The following DBT variants were observed in gnomAD, a reference collection of about 807,000 sequenced individuals.
DBT encodes the protein lipoamide acyltransferase component of branched-chain alpha-keto acid dehydrogenase complex, mitochondrial.
In DBT, 40 loss-of-function variants were observed where a neutral mutation model predicts 51.3. The ratio of observed to expected loss-of-function variants is 0.78; its 90% CI spans 0.61 to 1.02. The LOEUF is 1.02. Ranked by LOEUF, DBT falls within the 50% of genes least tolerant of loss-of-function variation. The pLI, the probability that DBT is intolerant of heterozygous loss-of-function variation, is 0.00. For synonymous variants in DBT, 181 were observed against 190.4 expected (o/e 0.95, Z 0.41); for missense variants, 510 against 580.2 (o/e 0.88, Z 1.24).
intron 10 of DBT, among the ~76,000 whole-genome samples, chr1:100,197,966 A>T (rs1557940178): frequency 1.3e-5 from 2 of 152,198 alleles, no homozygotes; most frequent in Non-Finnish European, 2.9e-5. Context: ...TAAGATTTCT[A>T]CTCTAAGAAC....
chr1:100,240,940 C>T, intron 1 of DBT, 56 bp from the exon 2 acceptor site: 4 of 1,528,060 alleles, frequency 2.6e-6, no homozygotes, highest in Non-Finnish European at 3.6e-6. Flanking sequence ...ACCGGCTTAT[C>T]TCTAAGTATA....
At chr1:100,213,434 C>G (rs1467092955) in intron 7 of DBT, 6 of 1,573,802 alleles carry the variant, frequency 3.8e-6, no homozygotes, top group Non-Finnish European at 5.2e-6. Flanking sequence ...CCTCGTCACA[C>G]GGACACCCAC....
At position 100,206,509 on chromosome 1, in the gene DBT, G is replaced by A. The variant is rs750814408; in HGVS notation, c.1145C>T (p.Ser382Phe). 6.2e-7 allele frequency: 1 copy of A among 1,613,724 alleles called. No homozygotes were observed. Among genetic ancestry groups the A allele is most frequent in the Non-Finnish European group, 8.5e-7 (1 of 1,179,670 alleles). Residue 382 changes from serine to phenylalanine, a missense_variant, in exon 9 of 11, where the codon TCT (serine) becomes TTT (phenylalanine). By Grantham distance (155) the Ser-to-Phe change is radical. Coordinates refer to ENST00000370132, the MANE Select transcript of DBT (RefSeq NM_001918.5). ...ATCAGTGGTGCTGAGCTGACTCACA[G>A]AGCCCAATTTCTGGAGGCGGTTCAG... ...TELNRLQKLG[S>F]VSQLSTTDLT...
chr1:100,240,671 G>T lies in DBT; in HGVS notation c.175+90C>A. ...AGAAATACAGAGTCAACTTTTTTTTGTTTAAAAAGTCTCAATCAACTACTA... is the reference window on the plus strand; with the variant it reads ...AGAAATACAGAGTCAACTTTTTTTTTTTTAAAAAGTCTCAATCAACTACTA... On this transcript the variant is annotated intron_variant, in intron 2 of 10. Transcript: ENST00000370132. 5.5e-6 allele frequency: 6 copies of T among 1,098,482 alleles called. No individual in the cohort carries two copies. The Admixed American group carries it at 7.4e-5, about 14-fold the overall frequency. 68.0% of individuals were successfully genotyped at this position (1,098,482 alleles called of 1,614,324 possible).
rs1398300878 is a variant in DBT at position 100,194,218 on chromosome 1, A to G, written c.*2037T>C. 6.6e-6 allele frequency: 1 copy of G among 152,042 alleles called. No individual in the cohort carries two copies. The highest frequency in any genetic ancestry group is 2.4e-5 in the African/African-American group (1 of 41,396). The allele number at this position is 152,042 out of a possible 1,614,324, so 9.4% of individuals were successfully genotyped here. ...GGTCTCACTCTGTCACCCATACTGGAGGATAGTGGCACAATGACAGCTCAC... is the reference window on the plus strand; with the variant it reads ...GGTCTCACTCTGTCACCCATACTGGGGGATAGTGGCACAATGACAGCTCAC... On this transcript the variant is annotated 3_prime_UTR_variant, in exon 11 of 11. Coordinates refer to ENST00000370132, the MANE Select transcript of DBT (RefSeq NM_001918.5).
At chr1:100,199,538 C>A (rs1432257308) in intron 10 of DBT, among the ~76,000 whole-genome samples, 1 of 152,196 alleles carries the variant, frequency 6.6e-6, no homozygotes, top group East Asian at 1.9e-4. Flanking sequence ...TTATTACACA[C>A]AGAGGCAGCC....
chr1:100,235,091 A>T (rs776318979), intron 3 of DBT, among the ~76,000 whole-genome samples: 1 of 152,162 alleles, frequency 6.6e-6, no homozygotes, highest in Non-Finnish European at 1.5e-5. Flanking sequence ...AAATATTTTC[A>T]TCTCTTCTAA....
Position 100,216,062 on chromosome 1 carries a change from C to G in DBT, c.693G>C (p.Lys231Asn). ...GTATAGGAACAGTCATGTCTTTTGG[C>G]TTTGGTGGAGGTGGCATAATTTCAA... ...PKVEIMPPPPKPKDMTVPILV... is the reference protein window; with the variant it reads ...PKVEIMPPPPNPKDMTVPILV... The change falls in exon 6 of 11, where the codon AAG (lysine) becomes AAC (asparagine). Residue 231 changes from lysine to asparagine, a missense_variant. Transcript: ENST00000370132. 1 of 1,613,794 alleles carries G rather than the reference C, an allele frequency of 6.2e-7. No homozygotes were observed. The highest frequency in any genetic ancestry group is 1.1e-5 in the South Asian group (1 of 91,078).
intron 2 of DBT, among the ~76,000 whole-genome samples, chr1:100,239,851 C>CAAAAAAAAAAA (rs56661922): frequency 3.8e-4 from 42 of 111,200 alleles, no homozygotes; most frequent in South Asian, 8.9e-4. Flanking sequence ...CAACAGAGCT[C>CAAAAAAAAAAA]AAAAAAAAAA....
At chr1:100,199,407 T>A (rs72973750) in intron 10 of DBT, among the ~76,000 whole-genome samples, 2,976 of 152,272 alleles carry the variant, frequency 0.02, 101 homozygotes, top group African/African-American at 0.068. Context: ...TATAATGAAA[T>A]AAAGATATTT....
chr1:100,223,893 T>C (rs1203089620), intron 4 of DBT, among the ~76,000 whole-genome samples: 1 of 152,122 alleles, frequency 6.6e-6, no homozygotes, highest in African/African-American at 2.4e-5. Flanking sequence ...TAATAGTATA[T>C]GCCTTTTTAT....
At chr1:100,215,855 CT>C (rs1272297859) in intron 6 of DBT, 127 bp downstream of exon 6, 28 of 713,610 alleles carry the variant, frequency 3.9e-5, no homozygotes, top group Non-Finnish European at 6.7e-5. Flanking sequence ...AAATTATATG[CT>C]GACTGAAGTT....
intron 10 of DBT, among the ~76,000 whole-genome samples, chr1:100,203,002 T>C (rs1257054319): frequency 6.6e-6 from 1 of 151,968 alleles, no homozygotes; most frequent in Non-Finnish European, 1.5e-5. Flanking sequence ...GCAGGAAAGA[T>C]CTAAAATCAA....
intron 4 of DBT, among the ~76,000 whole-genome samples, chr1:100,229,399 C>T (rs1663402485): frequency 6.6e-6 from 1 of 152,124 alleles, no homozygotes. Flanking sequence ...ATCTCTTGAC[C>T]TCGTGATCCA....
chr1:100,235,125 T>C (rs1663789423), intron 3 of DBT, among the ~76,000 whole-genome samples: 1 of 152,208 alleles, frequency 6.6e-6, no homozygotes, highest in African/African-American at 2.4e-5. Flanking sequence ...CTGTATCAGG[T>C]AATGGTAAGT....
At chr1:100,227,315 A>G (rs1432637176) in intron 4 of DBT, among the ~76,000 whole-genome samples, 1 of 152,228 alleles carries the variant, frequency 6.6e-6, no homozygotes, top group Non-Finnish European at 1.5e-5. Context: ...AGTGACTACT[A>G]AAGGAACTCC....
intron 1 of DBT, chr1:100,249,066 G>A: frequency 3.0e-6 from 3 of 985,912 alleles, no homozygotes; most frequent in Non-Finnish European, 3.6e-6. Flanking sequence ...GTAAGATCGG[G>A]GTCACCAAGG....
At chr1:100,215,112 T>C (rs890956108) in intron 6 of DBT, 129 bp from the exon 7 acceptor site, 15 of 688,368 alleles carry the variant, frequency 2.2e-5, no homozygotes, top group Non-Finnish European at 3.7e-5. Context: ...ACCCTTCCTC[T>C]TACTACTCTC....
intron 4 of DBT, 149 bp downstream of exon 4, chr1:100,230,584 T>C (rs893273822): frequency 2.8e-5 from 16 of 568,266 alleles, no homozygotes; most frequent in Non-Finnish European, 4.0e-5. Flanking sequence ...TTTTTTCACG[T>C]TGAAAAGATT....
Sources: gnomAD v4.1 joint callset for allele counts (sites outside exome capture counted in the v4.1 genomes callset) on GRCh38, gnomAD v4.1.1 for gene constraint, MANE v1.5 for transcripts, NCBI Gene and HGNC (gene_info 2026-07-23, HGNC 2026-07-21) for gene names.